The following RANBP2 variants were observed in gnomAD, a reference collection of about 807,000 sequenced individuals.
RANBP2 encodes the protein E3 SUMO-protein ligase RanBP2.
RANBP2 carries 57 observed loss-of-function variants against 303.6 expected under a neutral mutation model. The observed-to-expected ratio is 0.19, with a 90% CI of 0.15 to 0.23. RANBP2 has a LOEUF of 0.23. Ranked by LOEUF, RANBP2 falls within the 10% of genes least tolerant of loss-of-function variation. The pLI is 1.00. For synonymous variants in RANBP2, 1,167 were observed against 1,301.5 expected, an observed-to-expected ratio of 0.90 and a Z score of 2.23; for missense variants, 3,138 against 3,780.8, an observed-to-expected ratio of 0.83 and a Z score of 4.46.
chr2:109,191,273 A>C, the RANBP2 span, among the ~76,000 whole-genome samples: 1 of 152,306 alleles, frequency 6.6e-6, no homozygotes, highest in African/African-American at 2.4e-5. Context: ...TCAAGAGGAA[A>C]GGGAGTTGTT....
chr2:109,518,248 CTT>C, the RANBP2 span, among the ~76,000 whole-genome samples: 20 of 152,340 alleles, frequency 1.3e-4, no homozygotes, highest in African/African-American at 2.4e-4. Flanking sequence ...CTACACATCT[CTT>C]GTTTCTCCTC....
the RANBP2 span, among the ~76,000 whole-genome samples, chr2:109,692,245 A>G: frequency 6.7e-6 from 1 of 150,262 alleles, no homozygotes; most frequent in South Asian, 2.1e-4. Context: ...TGTCTCTGAT[A>G]GGCAAACACA....
chr2:109,494,296 T>C, the RANBP2 span, among the ~76,000 whole-genome samples: 1 of 140,204 alleles, frequency 7.1e-6, no homozygotes, highest in African/African-American at 2.6e-5. Flanking sequence ...GACTCTTTGG[T>C]GGCTCCTTGC....
the RANBP2 span, among the ~76,000 whole-genome samples, chr2:109,061,552 C>G: frequency 6.6e-6 from 1 of 152,130 alleles, no homozygotes; most frequent in Non-Finnish European, 1.5e-5. Context: ...AGGTTTCCTA[C>G]TAGCCTACCC....
At chr2:109,545,703 G>A in the RANBP2 span, 1 of 1,457,988 alleles carries the variant, frequency 6.9e-7, no homozygotes, top group Admixed American at 2.4e-5. Context: ...CTCATGGTAG[G>A]TCAGCAGCCA....
the RANBP2 span, chr2:108,923,331 A>C: frequency 6.3e-7 from 1 of 1,599,280 alleles, no homozygotes; most frequent in Non-Finnish European, 8.6e-7. Context: ...TCCGTGCTGA[A>C]CAAATACCGT....
At chr2:108,971,339 C>T in the RANBP2 span, among the ~76,000 whole-genome samples, 1 of 151,996 alleles carries the variant, frequency 6.6e-6, no homozygotes. Flanking sequence ...GTTAGAAATG[C>T]CAAATTTCAG....
chr2:108,754,800 T>G, intron 15 of RANBP2, 105 bp from the exon 16 acceptor site: 1 of 1,573,832 alleles, frequency 6.4e-7, no homozygotes, highest in Non-Finnish European at 8.7e-7. Context: ...AAAGTGCCTA[T>G]TAAAGTGGCA....
the RANBP2 span, among the ~76,000 whole-genome samples, chr2:108,917,682 C>A: frequency 6.6e-6 from 1 of 152,172 alleles, no homozygotes; most frequent in South Asian, 2.1e-4. Context: ...CCTTGCCATC[C>A]CTGGCTGCAG....
intron 18 of RANBP2, among the ~76,000 whole-genome samples, chr2:108,761,366 TTC>T (rs1288687194): frequency 6.6e-6 from 1 of 152,058 alleles, no homozygotes; most frequent in Non-Finnish European, 1.5e-5. Context: ...TTGGCACAGT[TTC>T]TGTTTCTTTT....
chr2:109,059,902 C>T, the RANBP2 span, among the ~76,000 whole-genome samples: 7 of 152,162 alleles, frequency 4.6e-5, no homozygotes, highest in Non-Finnish European at 8.8e-5. Flanking sequence ...ATTCTGCTGC[C>T]TCACAGGCCT....
chr2:109,330,977 T>C, the RANBP2 span, among the ~76,000 whole-genome samples: 2 of 152,242 alleles, frequency 1.3e-5, no homozygotes, highest in Admixed American at 6.5e-5. Context: ...GGTTGTGCCA[T>C]GCATTAGTTC....
the RANBP2 span, among the ~76,000 whole-genome samples, chr2:108,975,668 G>A: frequency 2.6e-4 from 40 of 152,274 alleles, no homozygotes; most frequent in African/African-American, 9.6e-4. Flanking sequence ...CGGTCTGGGA[G>A]CTAAGGAGCT....
chr2:109,031,839 G>A, the RANBP2 span, among the ~76,000 whole-genome samples: 1 of 152,106 alleles, frequency 6.6e-6, no homozygotes, highest in African/African-American at 2.4e-5. Flanking sequence ...ATTTTCTTCA[G>A]CAACTAAGCT....
At chr2:109,130,883 C>G in the RANBP2 span, among the ~76,000 whole-genome samples, 30,931 of 152,112 alleles carry the variant, frequency 0.2, 3,915 homozygotes, top group Middle Eastern at 0.36. Context: ...CTTACAGCTT[C>G]TTATTACACA....
At chr2:108,791,869 C>T in the RANBP2 span, 1 of 1,445,100 alleles carries the variant, frequency 6.9e-7, no homozygotes, top group Non-Finnish European at 9.3e-7. Context: ...ATGAAGCTTC[C>T]CTCCTAGTAA....
At chr2:108,987,689 G>C in the RANBP2 span, among the ~76,000 whole-genome samples, 1 of 152,202 alleles carries the variant, frequency 6.6e-6, no homozygotes, top group Non-Finnish European at 1.5e-5. Flanking sequence ...GCCCACTTAG[G>C]GATGGGGAGG....
the RANBP2 span, chr2:108,856,853 A>G: frequency 6.2e-7 from 1 of 1,613,528 alleles, no homozygotes; most frequent in African/African-American, 1.3e-5. Flanking sequence ...AGAAGAAGGA[A>G]AAACCTTGTT....
the RANBP2 span, among the ~76,000 whole-genome samples, chr2:109,026,297 CTTTT>C: frequency 1.1e-5 from 1 of 93,426 alleles, no homozygotes; most frequent in Admixed American, 1.4e-4. Context: ...CCATGCCTAG[CTTTT>C]TTTTTTTTTA....
Sources: gnomAD v4.1 joint callset for allele counts (sites outside exome capture counted in the v4.1 genomes callset) on GRCh38, gnomAD v4.1.1 for gene constraint, MANE v1.5 for transcripts, NCBI Gene and HGNC (gene_info 2026-07-23, HGNC 2026-07-21) for gene names.